The following IMMP2L variants were observed in gnomAD, a reference collection of about 807,000 sequenced individuals.
The protein encoded by IMMP2L is inner mitochondrial membrane peptidase subunit 2.
In IMMP2L, 18 loss-of-function variants were observed where a neutral mutation model predicts 19.3. The observed-to-expected ratio is 0.93, with a 90% confidence interval of 0.64 to 1.38. The LOEUF is 1.38. Ranked by LOEUF, IMMP2L falls within the 40% of genes most tolerant of loss-of-function variation. IMMP2L has a pLI of 0.00. For missense variants in IMMP2L, 233 were observed against 218.2 expected, an observed-to-expected ratio of 1.07 and a Z score of -0.43; for synonymous variants, 76 against 73.0, an observed-to-expected ratio of 1.04 and a Z score of -0.21.
intron 5 of IMMP2L, among the ~76,000 whole-genome samples, chr7:110,818,232 T>A (rs1050047158): frequency 6.6e-6 from 1 of 151,824 alleles, no homozygotes; most frequent in Non-Finnish European, 1.5e-5. Context: ...AGGGCTAATA[T>A]CCAGAATCTA....
rs1050200178 is a variant in IMMP2L, at chr7:111,390,430, C to A, written c.239+96808G>T. On this transcript the variant is annotated intron_variant, in intron 3 of 5. Transcript: ENST00000405709. Reference sequence around the variant, plus strand: ...CTAGGGAACCCAACCTGCCACAGGACCTCTTTTGTGACTTGACAAAACATA... The same window carrying A: ...CTAGGGAACCCAACCTGCCACAGGAACTCTTTTGTGACTTGACAAAACATA... 4 of 152,260 alleles carry A rather than the reference C, an allele frequency of 2.6e-5. No homozygotes were observed. The East Asian group carries it at 7.7e-4, about 29-fold the overall frequency. 9.4% of individuals were successfully genotyped at this position (152,260 alleles called of 1,614,324 possible).
At position 110,666,482 on chromosome 7, in the gene IMMP2L, GC is replaced by G. The variant is rs1316512315; in HGVS notation, c.409-2762del. ...GTAGAGATGGGGTTTCACCATGTTGGCCAGGATGGTCTTGATCTCTTGACCT... is the reference window on the plus strand; with the variant it reads ...GTAGAGATGGGGTTTCACCATGTTGGCAGGATGGTCTTGATCTCTTGACCT... On this transcript the variant is annotated intron_variant, in intron 5 of 5. Coordinates refer to ENST00000405709, the MANE Select transcript of IMMP2L (RefSeq NM_032549.4). 2.6e-5 allele frequency among the ~76,000 whole-genome samples: 4 copies of G among 152,064 alleles called. No individual in the cohort carries two copies. The East Asian group carries it at 7.8e-4, about 30-fold the overall frequency.
chr7:110,772,943 A>T (rs1562966475), intron 5 of IMMP2L, among the ~76,000 whole-genome samples: 2 of 151,448 alleles, frequency 1.3e-5, no homozygotes, highest in African/African-American at 4.9e-5. Flanking sequence ...TATCGGCCAT[A>T]TTCATTTCTT....
At chr7:111,288,578 G>GA (rs1389658151) in intron 3 of IMMP2L, among the ~76,000 whole-genome samples, 6 of 151,962 alleles carry the variant, frequency 3.9e-5, no homozygotes, top group East Asian at 1.9e-4. Flanking sequence ...AAATTTACCA[G>GA]AAAAAACAAC....
chr7:110,953,208 G>A (rs901085270), intron 4 of IMMP2L, among the ~76,000 whole-genome samples: 7 of 152,002 alleles, frequency 4.6e-5, no homozygotes, highest in African/African-American at 1.4e-4. Flanking sequence ...GGGTACATGT[G>A]CTGAATGGGC....
intron 4 of IMMP2L, among the ~76,000 whole-genome samples, chr7:110,916,025 T>C (rs376066637): frequency 6.6e-6 from 1 of 152,192 alleles, no homozygotes; most frequent in African/African-American, 2.4e-5. Flanking sequence ...ACTGAAAACA[T>C]GTTTATTAAA....
rs563410800 is a variant in IMMP2L at position 111,272,737 on chromosome 7, A to G, written c.239+214501T>C. Among the ~76,000 whole-genome samples, 226 of 152,314 alleles carry G rather than the reference A, an allele frequency of 1.5e-3. 2 individuals carry two copies. Among genetic ancestry groups the G allele is most frequent in the Admixed American group, 3.7e-3 (57 of 15,290 alleles). On this transcript the variant is annotated intron_variant, in intron 3 of 5. Transcript: ENST00000405709. Reference sequence around the variant, plus strand: ...CCACAGGACATCCCCAACCTTTTCAATTGGGCTCACCTAGCCCTTTTCTTT... The same window carrying G: ...CCACAGGACATCCCCAACCTTTTCAGTTGGGCTCACCTAGCCCTTTTCTTT...
At chr7:111,135,681 T>C (rs768409080) in intron 3 of IMMP2L, among the ~76,000 whole-genome samples, 1 of 152,218 alleles carries the variant, frequency 6.6e-6, no homozygotes, top group Non-Finnish European at 1.5e-5. Context: ...AATAACTTAG[T>C]ATATTTTATT....
At chr7:110,996,245 G>A (rs968879327) in intron 3 of IMMP2L, among the ~76,000 whole-genome samples, 2 of 152,126 alleles carry the variant, frequency 1.3e-5, no homozygotes, top group African/African-American at 4.8e-5. Flanking sequence ...TTATAGCTAA[G>A]ATATGAAGAG....
intron 3 of IMMP2L, among the ~76,000 whole-genome samples, chr7:111,352,694 A>G (rs1828294897): frequency 6.6e-6 from 1 of 152,124 alleles, no homozygotes; most frequent in Admixed American, 6.6e-5. Flanking sequence ...GGTGAGGGTT[A>G]CGTGGTGAGG....
intron 3 of IMMP2L, among the ~76,000 whole-genome samples, chr7:110,982,683 A>G (rs1028927194): frequency 2.6e-5 from 4 of 152,162 alleles, no homozygotes; most frequent in African/African-American, 9.6e-5. Context: ...ATTTGAAAAG[A>G]TATCAACAGT....
intron 5 of IMMP2L, among the ~76,000 whole-genome samples, chr7:110,777,171 G>C (rs1220949809): frequency 5.3e-5 from 8 of 151,970 alleles, no homozygotes; most frequent in Admixed American, 2.0e-4. Context: ...ACACCATTCA[G>C]GGATGCATAC....
At chr7:111,229,521 TGCCACA>T (rs1408701690) in intron 3 of IMMP2L, among the ~76,000 whole-genome samples, 1 of 152,044 alleles carries the variant, frequency 6.6e-6, no homozygotes, top group Non-Finnish European at 1.5e-5. Flanking sequence ...TTCCAAAGGT[TGCCACA>T]CCAACTCACC....
At chr7:111,195,104 C>G (rs1033450422) in intron 3 of IMMP2L, among the ~76,000 whole-genome samples, 3 of 152,014 alleles carry the variant, frequency 2.0e-5, no homozygotes, top group African/African-American at 4.8e-5. Context: ...ATAAAACTTA[C>G]ATTGTAAAGT....
chr7:110,885,835 A>C (rs1290354103), intron 5 of IMMP2L, among the ~76,000 whole-genome samples: 1 of 152,024 alleles, frequency 6.6e-6, no homozygotes, highest in Admixed American at 6.6e-5. Context: ...AGGAAAAAAA[A>C]ACATTATTCC....
intron 5 of IMMP2L, among the ~76,000 whole-genome samples, chr7:110,793,976 G>C (rs1800669514): frequency 6.6e-6 from 1 of 152,062 alleles, no homozygotes; most frequent in South Asian, 2.1e-4. Context: ...ATAACTATTG[G>C]AATAGCAAAA....
At chr7:110,702,226 C>A (rs1794336440) in intron 5 of IMMP2L, among the ~76,000 whole-genome samples, 1 of 152,066 alleles carries the variant, frequency 6.6e-6, no homozygotes, top group Admixed American at 6.6e-5. Context: ...TGGGCCACTA[C>A]ACTTGGCCCC....
At chr7:110,992,222 A>C (rs553244458) in intron 3 of IMMP2L, among the ~76,000 whole-genome samples, 40 of 152,236 alleles carry the variant, frequency 2.6e-4, no homozygotes, top group African/African-American at 9.4e-4. Flanking sequence ...ACAAACATTT[A>C]ATAAATATTT....
chr7:111,128,201 T>C (rs1801502326), intron 3 of IMMP2L, among the ~76,000 whole-genome samples: 1 of 152,198 alleles, frequency 6.6e-6, no homozygotes, highest in South Asian at 2.1e-4. Flanking sequence ...ATTTATTGTA[T>C]GGCTATTAGT....
Sources: allele counts gnomAD v4.1 joint callset (sites outside exome capture counted in the v4.1 genomes callset), GRCh38; gene constraint gnomAD v4.1.1; transcripts MANE v1.5; gene names NCBI Gene and HGNC (gene_info 2026-07-23, HGNC 2026-07-21).